Variants in NFAT5 observed in about 807,000 individuals in gnomAD.
NFAT5 encodes nuclear factor of activated T-cells 5.
Under a neutral mutation model 166.5 loss-of-function variants are expected in NFAT5, and 31 were observed. The observed-to-expected ratio is 0.19, with a 90% CI of 0.14 to 0.25. The LOEUF is 0.25. NFAT5 is among the 10% of genes least tolerant of loss of function. The pLI, the probability that NFAT5 is intolerant of heterozygous loss-of-function variation, is 1.00. For synonymous variants in NFAT5, 612 were observed against 639.7 expected (o/e 0.96, Z 0.65); for missense variants, 1,449 against 1,821.8 (o/e 0.80, Z 3.72).
chr16:69,580,765 C>T (rs1177785451), intron 2 of NFAT5, among the ~76,000 whole-genome samples: 5 of 152,096 alleles, frequency 3.3e-5, no homozygotes, highest in Non-Finnish European at 7.4e-5. Context: ...ACGCCATTCT[C>T]CGGCCTCAGC....
chr16:69,666,408 C>T (rs556037327), intron 7 of NFAT5, among the ~76,000 whole-genome samples: 11 of 151,080 alleles, frequency 7.3e-5, no homozygotes, highest in Non-Finnish European at 1.0e-4. Context: ...AGAAAATTTT[C>T]GCAACCTACT....
Position 69,695,498 on chromosome 16 carries a change from CT to C in NFAT5, c.*8+125del. 1.3e-5 allele frequency: 9 copies of C among 692,700 alleles called. No homozygotes were observed. The South Asian group carries it at 1.7e-4, about 13-fold the overall frequency. 42.9% of individuals were successfully genotyped at this position (692,700 alleles called of 1,614,324 possible). ...AATGTGGCTTTCTCACAAGATGATA[CT>C]TTTTTACTCTGAATAAAATTATTCT... On this transcript the variant is annotated intron_variant, in intron 14 of 14. Transcript: ENST00000349945.
At chr16:69,622,778 G>T (rs1274231493) in intron 2 of NFAT5, among the ~76,000 whole-genome samples, 3 of 151,136 alleles carry the variant, frequency 2.0e-5, no homozygotes, top group Non-Finnish European at 4.4e-5. Context: ...CATTTGGGTA[G>T]ATCTTTTTCT....
In NFAT5 at chr16:69,695,174, C is replaced by T. The variant is rs750180539; in HGVS notation, c.4453C>T (p.Pro1485Ser). Residue 1485 changes from proline to serine, a missense_variant, in exon 14 of 15, where the codon CCT becomes TCT. Around this residue, in one of 7 missense-constraint regions of NFAT5, gnomAD observed 891 missense variants for 993.0 expected, o/e 0.90. Transcript: ENST00000349945. ...QLLTSGPATL[P>S]DQLMAISQPG... ...TTTAACCTCTGGACCAGCTACATTG[C>T]CTGATCAGTTGATGGCCATAAGTCA... 3.7e-6 allele frequency: 6 copies of T among 1,614,156 alleles called. No homozygotes were observed. In the Admixed American group the frequency reaches 1.0e-4, roughly 27 times the overall value.
chr16:69,625,149 C>A (rs1204618576), intron 2 of NFAT5, among the ~76,000 whole-genome samples: 1 of 151,952 alleles, frequency 6.6e-6, no homozygotes, highest in Admixed American at 6.6e-5. Context: ...TGATCCACCC[C>A]CTTCAGTCTC....
At chr16:69,664,265 T>C (rs1027155626) in intron 7 of NFAT5, among the ~76,000 whole-genome samples, 51 of 152,162 alleles carry the variant, frequency 3.4e-4, no homozygotes, top group African/African-American at 1.2e-3. Context: ...TATTCAGATA[T>C]TCATTATTTT....
Position 69,670,131 on chromosome 16 carries a change from G to A in NFAT5, c.1504+20G>A, listed in dbSNP as rs761618381. ...TTTCTGGTAAGTACGCATATTTGTG[G>A]TACAGATATTTGTATGTTTTCACTT... On this transcript the variant is annotated intron_variant, in intron 8 of 14. Coordinates refer to ENST00000349945, the MANE Select transcript of NFAT5 (RefSeq NM_138713.4). 5 of 1,604,276 alleles carry A rather than the reference G, an allele frequency of 3.1e-6. 1 individual carries two copies. Among genetic ancestry groups the A allele is most frequent in the Non-Finnish European group, 4.2e-6 (5 of 1,176,812 alleles).
chr16:69,675,700 C>T (rs117630210), intron 9 of NFAT5, among the ~76,000 whole-genome samples: 2 of 152,138 alleles, frequency 1.3e-5, no homozygotes, highest in East Asian at 3.9e-4. Context: ...AGTGCAATGA[C>T]GCGCTCTTGG....
At position 69,655,796 on chromosome 16, in the gene NFAT5, T is replaced by G. The variant is rs1315353608; in HGVS notation, c.1193T>G (p.Leu398Arg). 13 of 1,610,908 alleles carry G rather than the reference T, an allele frequency of 8.1e-6. No individual in the cohort carries two copies. Among genetic ancestry groups the G allele is most frequent in the African/African-American group, 4.0e-5 (3 of 74,882 alleles). The stretch of plus-strand genomic sequence containing the variant: ...CTTGATCCTAGCAACAACATGACAC[T>G]GGCGTAAGTACTTAGTAAGAATTTT... ...VGLDPSNNMT[L>R]AVDCVGILKL... The change falls in exon 6 of 15, where the codon CTG becomes CGG. Residue 398 changes from leucine (L) to arginine (R), a missense_variant. Physicochemically the swap from Leu to Arg is moderately radical, Grantham distance 102 (BLOSUM62 -2). Coordinates refer to ENST00000349945, the MANE Select transcript of NFAT5 (RefSeq NM_138713.4).
Position 69,647,469 on chromosome 16 carries a change from G to A in NFAT5, c.695G>A (p.Arg232Gln), listed in dbSNP as rs1045442546. The change falls in exon 4 of 15, where the codon CGA (arginine) becomes CAA (glutamine). Residue 232 changes from arginine (R) to glutamine (Q), a missense_variant. By Grantham distance (43) the Arg-to-Gln change is conservative (BLOSUM62 1). Transcript: ENST00000349945. The surrounding 1 kb of genome is among the most constrained non-coding windows in gnomAD (Gnocchi z 4.8). ...RNPKQRPGVK[R>Q]RDCEESNMDI... is the part of the protein sequence containing the mutation. ...CCAAAGCAGAGGCCGGGGGTCAAAC[G>A]ACGAGATTGTGAAGAATCTAATATG... 3 of 1,613,734 alleles carry A rather than the reference G, an allele frequency of 1.9e-6. No homozygotes were observed. The highest frequency in any genetic ancestry group is 2.2e-5 in the East Asian group (1 of 44,882).
At chr16:69,630,415 C>G (rs1386096150) in intron 3 of NFAT5, among the ~76,000 whole-genome samples, 1 of 152,150 alleles carries the variant, frequency 6.6e-6, no homozygotes, top group Non-Finnish European at 1.5e-5. Flanking sequence ...AAGCAGTTCT[C>G]CTACCTTGGA....
chr16:69,582,833 GT>G (rs1387668292), intron 2 of NFAT5, among the ~76,000 whole-genome samples: 3 of 151,692 alleles, frequency 2.0e-5, no homozygotes, highest in Admixed American at 6.6e-5. Context: ...TTGTAGGATT[GT>G]TTCGGCTATT....
chr16:69,655,501 A>T (rs962720598), intron 5 of NFAT5, 108 bp from the exon 6 acceptor site: 48 of 823,988 alleles, frequency 5.8e-5, no homozygotes, highest in Admixed American at 1.4e-4. Context: ...AAATTTTTTT[A>T]AATGTAATTC....
At chr16:69,604,860 T>C (rs2033321883) in intron 2 of NFAT5, among the ~76,000 whole-genome samples, 1 of 152,200 alleles carries the variant, frequency 6.6e-6, no homozygotes, top group African/African-American at 2.4e-5. Context: ...TTTTGAGGTT[T>C]ATCCACCTTG....
intron 2 of NFAT5, among the ~76,000 whole-genome samples, chr16:69,613,739 C>T: frequency 6.6e-6 from 1 of 152,178 alleles, no homozygotes; most frequent in Non-Finnish European, 1.5e-5. Context: ...ACACTTCATA[C>T]TTTATTAAAG....
At chr16:69,621,633 A>T (rs1053851498) in intron 2 of NFAT5, among the ~76,000 whole-genome samples, 1 of 152,170 alleles carries the variant, frequency 6.6e-6, no homozygotes, top group African/African-American at 2.4e-5. Flanking sequence ...GCATAACATG[A>T]AGTAGCCGGC....
chr16:69,650,845 AAATG>A (rs2035634113), intron 4 of NFAT5, among the ~76,000 whole-genome samples: 1 of 152,240 alleles, frequency 6.6e-6, no homozygotes, highest in South Asian at 2.1e-4. Context: ...TAGTTTCAAT[AAATG>A]AATATTTTTA....
At chr16:69,681,244 G>A (rs1164183781) in intron 10 of NFAT5, among the ~76,000 whole-genome samples, 1 of 152,158 alleles carries the variant, frequency 6.6e-6, no homozygotes, top group African/African-American at 2.4e-5. Flanking sequence ...ACTCGATAGT[G>A]TATTATTATA....
At chr16:69,637,121 G>A (rs1011903696) in intron 3 of NFAT5, among the ~76,000 whole-genome samples, 1 of 152,010 alleles carries the variant, frequency 6.6e-6, no homozygotes, top group African/African-American at 2.4e-5. Context: ...GATCTCTAGG[G>A]CAGGGGTAAA....
Sources: allele counts gnomAD v4.1 joint callset (sites outside exome capture counted in the v4.1 genomes callset), GRCh38; gene constraint gnomAD v4.1.1; regional missense constraint gnomAD v4.1.1; non-coding constraint Gnocchi (gnomAD v3.1); transcripts MANE v1.5; gene names NCBI Gene and HGNC (gene_info 2026-07-23, HGNC 2026-07-21).